The following LMF1 variants were observed in gnomAD, a reference collection of about 807,000 sequenced individuals.
The protein encoded by LMF1 is lipase maturation factor 1, also known as transmembrane protein 112.
In LMF1, 68 loss-of-function variants were observed where a neutral mutation model predicts 60.6. That is an observed-to-expected ratio of 1.12 (90% CI 0.92 to 1.37). The LOEUF (loss-of-function observed/expected upper bound fraction) is 1.37. Ranked by LOEUF, LMF1 falls within the 40% of genes most tolerant of loss-of-function variation. The pLI, the probability that LMF1 is intolerant of heterozygous loss-of-function variation, is 0.00. For synonymous variants in LMF1, 418 were observed against 324.7 expected, an observed-to-expected ratio of 1.29 and a Z score of -3.09; for missense variants, 948 against 767.2, an observed-to-expected ratio of 1.24 and a Z score of -2.78.
chr16:890,431 G>A (rs1223775666), intron 5 of LMF1, among the ~76,000 whole-genome samples: 1 of 152,076 alleles, frequency 6.6e-6, no homozygotes. Context: ...CCGGCCCCCC[G>A]AGACAGCAGC....
chr16:949,532 A>AGAGTCAGCCAACGACG (rs2072377767), intron 2 of LMF1, among the ~76,000 whole-genome samples: 1 of 140,640 alleles, frequency 7.1e-6, no homozygotes. Flanking sequence ...AGCCAACGAC[A>AGAGTCAGCCAACGACG]GAGTCAGAGC....
At chr16:859,131 CTGA>C (rs1463192897) in intron 10 of LMF1, among the ~76,000 whole-genome samples, 51 of 39,832 alleles carry the variant, frequency 1.3e-3, no homozygotes, top group Middle Eastern at 0.038. Flanking sequence ...CGGGTGTGCA[CTGA>C]TGTCACGGGA....
chr16:879,620 G>A lies in LMF1; in HGVS notation c.847C>T (p.Leu283Phe). The A allele has an allele frequency of 6.2e-7, 1 of 1,613,462 alleles. No individual in the cohort carries two copies. The highest frequency in any genetic ancestry group is 1.1e-5 in the South Asian group (1 of 91,024). The part of the protein sequence containing the change: ...IELLVPFFLF[L>F]GRRACIIHGV... Reference sequence around the variant, plus strand: ...TGGATGATGCACGCCCGCCGGCCGAGGAAGAGGAAGAAGGGCACCAGGAGC... The same window carrying A: ...TGGATGATGCACGCCCGCCGGCCGAAGAAGAGGAAGAAGGGCACCAGGAGC... Residue 283 changes from leucine (L) to phenylalanine (F), a missense_variant, in exon 6 of 11, where the codon CTC (leucine) becomes TTC (phenylalanine). Leu to Phe is a conservative substitution (Grantham distance 22, BLOSUM62 0). Coordinates refer to ENST00000262301, the MANE Select transcript of LMF1 (RefSeq NM_022773.4).
intron 2 of LMF1, among the ~76,000 whole-genome samples, chr16:945,198 C>G (rs1202135745): frequency 9.5e-5 from 10 of 104,900 alleles, no homozygotes. Flanking sequence ...GCGACAAGAG[C>G]GAGACTCCAT....
At chr16:948,569 G>A (rs1434486447) in intron 2 of LMF1, among the ~76,000 whole-genome samples, 2 of 151,300 alleles carry the variant, frequency 1.3e-5, no homozygotes, top group African/African-American at 4.9e-5. Flanking sequence ...GACAGAGTTA[G>A]AGACAACGAC....
At chr16:896,459 T>G (rs1219485187) in intron 4 of LMF1, among the ~76,000 whole-genome samples, 1 of 152,198 alleles carries the variant, frequency 6.6e-6, no homozygotes, top group East Asian at 1.9e-4. Context: ...GTGAACTGTT[T>G]TAAAAACTGA....
chr16:946,636 T>G (rs1597048875), intron 2 of LMF1, among the ~76,000 whole-genome samples: 1 of 151,858 alleles, frequency 6.6e-6, no homozygotes, highest in Non-Finnish European at 1.5e-5. Flanking sequence ...CTCGTGGGAG[T>G]TCCCGTCTAC....
chr16:914,054 T>C (rs999185395), intron 3 of LMF1, among the ~76,000 whole-genome samples: 4 of 152,176 alleles, frequency 2.6e-5, no homozygotes, highest in Non-Finnish European at 5.9e-5. Flanking sequence ...CCATTGTTGA[T>C]GGGCCGCGAG....
chr16:917,332 G>A (rs1203109904), intron 3 of LMF1, among the ~76,000 whole-genome samples: 2 of 102,018 alleles, frequency 2.0e-5, no homozygotes, highest in African/African-American at 5.2e-5. Context: ...AATGCCACAT[G>A]TGTGCACTGC....
At position 890,712 on chromosome 16, in the gene LMF1, C is replaced by T. The variant is rs536797849; in HGVS notation, c.729+2295G>A. 3.3e-5 allele frequency among the ~76,000 whole-genome samples: 5 copies of T among 152,362 alleles called. No individual in the cohort carries two copies. In the South Asian group the frequency reaches 6.2e-4, roughly 19 times the overall value. ...CATGTGTCTGGGCCTCTTTTAAGGA[C>T]ACAGTCGTTGGATTTGGGGCTCAGC... On this transcript the variant is annotated intron_variant, in intron 5 of 10. Coordinates refer to ENST00000262301, the MANE Select transcript of LMF1 (RefSeq NM_022773.4).
chr16:900,679 T>TTGTGTGTG (rs1415329144), intron 4 of LMF1: 1 of 108,674 alleles, frequency 9.2e-6, no homozygotes, highest in Admixed American at 9.7e-5. Context: ...CTGCTAATTT[T>TTGTGTGTG]TATGTGTGTG....
intron 4 of LMF1, among the ~76,000 whole-genome samples, chr16:909,064 C>T (rs185790957): frequency 1.1e-4 from 17 of 152,264 alleles, no homozygotes; most frequent in Admixed American, 3.9e-4. Flanking sequence ...CTCCCAACCC[C>T]GGCAAGTGCT....
At chr16:908,759 A>G (rs9935758) in intron 4 of LMF1, among the ~76,000 whole-genome samples, 44,120 of 152,214 alleles carry the variant, frequency 0.29, 8,355 homozygotes, top group African/African-American at 0.52. Flanking sequence ...GAGGACCTAG[A>G]GTAAGCACCC....
At chr16:933,858 A>T in intron 3 of LMF1, 1 of 838,332 alleles carries the variant, frequency 1.2e-6, no homozygotes. Flanking sequence ...CACAAGCCAA[A>T]GTGCCCACCA....
intron 3 of LMF1, 50 bp downstream of exon 3, chr16:934,194 C>T (rs2151787263): frequency 1.3e-6 from 2 of 1,599,224 alleles, no homozygotes; most frequent in Non-Finnish European, 1.7e-6. Context: ...ACATACCAAA[C>T]ACACAACGCT....
intron 10 of LMF1, among the ~76,000 whole-genome samples, chr16:859,169 CGGG>C (rs2069334462): frequency 1.3e-5 from 1 of 74,936 alleles, no homozygotes; most frequent in African/African-American, 6.3e-5. Flanking sequence ...TGTCTCGGGA[CGGG>C]TGTGAGTGGT....
At chr16:970,654 G>T in intron 1 of LMF1, 134 bp downstream of exon 1, 1 of 800,230 alleles carries the variant, frequency 1.2e-6, no homozygotes, top group Non-Finnish European at 1.9e-6. Flanking sequence ...CGCCTTGCCC[G>T]GGCCCCAGCA....
At chr16:929,496 T>G (rs1386517214) in intron 3 of LMF1, among the ~76,000 whole-genome samples, 1 of 152,210 alleles carries the variant, frequency 6.6e-6, no homozygotes, top group Non-Finnish European at 1.5e-5. Context: ...CACGGAGCCC[T>G]GCCACCCGCT....
At chr16:963,675 G>C (rs978830107) in intron 1 of LMF1, among the ~76,000 whole-genome samples, 3 of 152,064 alleles carry the variant, frequency 2.0e-5, no homozygotes, top group African/African-American at 4.8e-5. Context: ...GGCGCTAGCT[G>C]AAGGGTGGAT....
Sources: allele counts gnomAD v4.1 joint callset (sites outside exome capture counted in the v4.1 genomes callset), GRCh38; gene constraint gnomAD v4.1.1; transcripts MANE v1.5; gene names NCBI Gene and HGNC (gene_info 2026-07-23, HGNC 2026-07-21).